Variants in SMARCA2 observed in about 807,000 individuals in gnomAD.
SMARCA2 encodes SWI/SNF related BAF chromatin remodeling complex subunit ATPase 2.
SMARCA2 carries 61 observed loss-of-function variants against 199.8 expected under a neutral mutation model. The ratio of observed to expected loss-of-function variants is 0.31; its 90% CI spans 0.25 to 0.38. The LOEUF (loss-of-function observed/expected upper bound fraction) is 0.38. SMARCA2 is among the 10% of genes least tolerant of loss of function. The probability of loss-of-function intolerance (pLI) is 1.00; values close to 1 mark genes in which losing one functional copy is unlikely to be tolerated. For missense variants in SMARCA2, 1,344 were observed against 2,012.2 expected (o/e 0.67, Z 6.35); for synonymous variants, 935 against 732.0 (o/e 1.28, Z -4.48).
Position 2,029,057 on chromosome 9 carries a change from ACC to A in SMARCA2, c.37_38del (p.Pro13ArgfsTer17). 1 of 1,557,314 alleles carries A rather than the reference ACC, an allele frequency of 6.4e-7. No homozygotes were observed. Among genetic ancestry groups the A allele is most frequent in the Non-Finnish European group, 8.7e-7 (1 of 1,149,886 alleles). On this transcript the variant is annotated frameshift_variant, in exon 2 of 34. Transcript: ENST00000349721. LOFTEE classifies it high-confidence loss of function. ...CCCACAGACCCTGGTGCGATGCCCC[ACC>A]CAGGGCCTTCGCCGGGGCCTGGGCC...
Position 2,158,769 on chromosome 9 carries a change from C to T in SMARCA2, c.3982-2917C>T, listed in dbSNP as rs11795328. On this transcript the variant is annotated intron_variant, in intron 27 of 33. Transcript: ENST00000349721. ...TTTAAAATCTCCATGAATAATTTTACTTACATGCAGGAGTAATCTTACTCT... is the reference window on the plus strand; with the variant it reads ...TTTAAAATCTCCATGAATAATTTTATTTACATGCAGGAGTAATCTTACTCT... The T allele has an allele frequency of 7.9e-3, 3,696 of 465,702 alleles. 25 individuals are homozygous for T. The highest frequency in any genetic ancestry group is 0.012 in the Non-Finnish European group (3,141 of 266,206). The allele number at this position is 465,702 out of a possible 1,614,324, so 28.8% of individuals were successfully genotyped here.
At chr9:2,097,578 A>T (rs369713895) in intron 21 of SMARCA2, 107 bp downstream of exon 21, 1 of 663,802 alleles carries the variant, frequency 1.5e-6, no homozygotes, top group Non-Finnish European at 2.6e-6. Flanking sequence ...GATTTAAAAC[A>T]TGTTGGCGGA....
chr9:2,039,387 A>G lies in SMARCA2; in HGVS notation c.356-79A>G. On this transcript the variant is annotated intron_variant, in intron 3 of 33. Transcript: ENST00000349721. This position sits in a 1 kb window ranked among gnomAD's most constrained non-coding sequence, Gnocchi z 4.8. ...CTGTCAGACAGTGTTGCTGTGGACA[A>G]TTATTAGAGTATTCAGGGATATCTC... The G allele has an allele frequency of 1.5e-6, 2 of 1,356,432 alleles. No individual in the cohort carries two copies. The highest frequency in any genetic ancestry group is 1.4e-5 in the South Asian group (1 of 72,954). 84.0% of individuals were successfully genotyped at this position (1,356,432 alleles called of 1,614,324 possible). A position where few individuals can be genotyped will look rare whatever the true frequency, so the allele number is the denominator to read the frequency against.
chr9:2,038,637 AC>A (rs1819438241), intron 3 of SMARCA2, among the ~76,000 whole-genome samples: 1 of 152,142 alleles, frequency 6.6e-6, no homozygotes, highest in Non-Finnish European at 1.5e-5. Flanking sequence ...ATCTTCAGGT[AC>A]CCACTGCAGC....
intron 17 of SMARCA2, among the ~76,000 whole-genome samples, 196 bp downstream of exon 17, chr9:2,084,392 G>GT (rs1302877672): frequency 1.3e-5 from 2 of 151,100 alleles, no homozygotes; most frequent in East Asian, 3.9e-4. Flanking sequence ...GTGTGTGTGT[G>GT]TGTGTGTGTG....
chr9:2,189,278 C>T (rs1357808322), intron 32 of SMARCA2, among the ~76,000 whole-genome samples: 1 of 152,126 alleles, frequency 6.6e-6, no homozygotes. Flanking sequence ...GTTTATAGGG[C>T]TCACCTAATG....
chr9:2,189,506 A>T (rs1563846149), intron 32 of SMARCA2, among the ~76,000 whole-genome samples: 1 of 152,100 alleles, frequency 6.6e-6, no homozygotes. Context: ...GTATAAATGG[A>T]CATATTTCAC....
chr9:2,192,104 T>A (rs1390571658), intron 33 of SMARCA2: 1 of 161,348 alleles, frequency 6.2e-6, no homozygotes, highest in East Asian at 1.9e-4. Context: ...GTGCTATGTC[T>A]GACTGGGCAG....
intron 3 of SMARCA2, among the ~76,000 whole-genome samples, chr9:2,035,025 T>G (rs1378943033): frequency 6.7e-6 from 1 of 149,388 alleles, no homozygotes; most frequent in African/African-American, 2.4e-5. Context: ...TATTTATTTA[T>G]TTATTTATTT....
chr9:2,160,106 G>T, intron 27 of SMARCA2: 1 of 645,744 alleles, frequency 1.5e-6, no homozygotes. Context: ...TCCAAGATAT[G>T]CGGGACAATT....
chr9:2,113,726 C>T (rs984925389), intron 24 of SMARCA2, among the ~76,000 whole-genome samples: 5 of 152,142 alleles, frequency 3.3e-5, no homozygotes, highest in East Asian at 1.9e-4. Context: ...AATGTCTGAC[C>T]GTGTTCCTAT....
chr9:2,063,554 T>C (rs1266484134), intron 9 of SMARCA2, among the ~76,000 whole-genome samples: 1 of 152,214 alleles, frequency 6.6e-6, no homozygotes, highest in Admixed American at 6.5e-5. Context: ...ACCTTTGTTT[T>C]GAGAAAACCT....
chr9:2,175,068 A>G (rs889585782), intron 29 of SMARCA2, among the ~76,000 whole-genome samples: 16 of 152,134 alleles, frequency 1.1e-4, no homozygotes, highest in African/African-American at 3.1e-4. Flanking sequence ...TGTAACGTCT[A>G]CAAGGTGGGG....
At chr9:2,087,802 C>T (rs1339407803) in intron 18 of SMARCA2, among the ~76,000 whole-genome samples, 2 of 152,094 alleles carry the variant, frequency 1.3e-5, no homozygotes, top group Non-Finnish European at 2.9e-5. Flanking sequence ...ATTATTTGGC[C>T]CTTTGATGTT....
chr9:2,098,720 G>A (rs1260414873), intron 21 of SMARCA2, among the ~76,000 whole-genome samples: 1 of 152,170 alleles, frequency 6.6e-6, no homozygotes, highest in Non-Finnish European at 1.5e-5. Context: ...AAGATCACCT[G>A]AGGTCAGGAG....
At chr9:2,185,888 T>A (rs1025819557) in intron 31 of SMARCA2, among the ~76,000 whole-genome samples, 16 of 152,236 alleles carry the variant, frequency 1.1e-4, no homozygotes, top group African/African-American at 3.9e-4. Context: ...TTGAAATAAT[T>A]TCAACTGCAT....
At chr9:2,137,756 G>A (rs936829352) in intron 27 of SMARCA2, among the ~76,000 whole-genome samples, 13 of 151,832 alleles carry the variant, frequency 8.6e-5, no homozygotes, top group African/African-American at 1.9e-4. Context: ...GACTTTATGC[G>A]TGGTAAGCAC....
intron 27 of SMARCA2, among the ~76,000 whole-genome samples, chr9:2,147,022 A>C (rs1198876704): frequency 1.3e-5 from 2 of 152,144 alleles, no homozygotes; most frequent in South Asian, 4.1e-4. Flanking sequence ...CATAGCCCCT[A>C]TTCAAGATGG....
chr9:2,177,935 G>A (rs1252465303), intron 29 of SMARCA2, among the ~76,000 whole-genome samples: 1 of 151,304 alleles, frequency 6.6e-6, no homozygotes. Context: ...TGACATTTAT[G>A]TAAAGTTTAT....
Sources: gnomAD v4.1 joint callset for allele counts (sites outside exome capture counted in the v4.1 genomes callset) on GRCh38, gnomAD v4.1.1 for gene constraint, Gnocchi (gnomAD v3.1) non-coding constraint, MANE v1.5 for transcripts, NCBI Gene and HGNC (gene_info 2026-07-23, HGNC 2026-07-21) for gene names.